The following MEP1A variants were observed in gnomAD, a reference collection of about 807,000 sequenced individuals.
MEP1A encodes meprin A subunit alpha, also known as N-benzoyl-L-tyrosyl-P-amino-benzoic acid hydrolase subunit alpha.
A neutral mutation model predicts 84.5 loss-of-function variants in MEP1A; 68 were observed. The ratio of observed to expected loss-of-function variants is 0.80; its 90% CI spans 0.66 to 0.98. The LOEUF (loss-of-function observed/expected upper bound fraction) is 0.98, where lower values mean the gene tolerates loss of function less well. MEP1A is among the 50% of genes least tolerant of loss of function. The pLI is 0.00. For missense variants in MEP1A, 887 were observed against 919.9 expected (o/e 0.96, Z 0.46); for synonymous variants, 337 against 336.8 (o/e 1.00, Z -0.01).
In MEP1A at chr6:46,825,276, C is replaced by G; in HGVS notation, c.561C>G (p.Tyr187Ter). 2 of 1,608,452 alleles carry G rather than the reference C, an allele frequency of 1.2e-6. No individual in the cohort carries two copies. The highest frequency in any genetic ancestry group is 2.2e-5 in the South Asian group (2 of 90,544). The stretch of plus-strand genomic sequence containing the variant: ...TGTGGATTCTCTCCCTAACAGGTTA[C>G]CAGCACAACTTTGACACCTATGATG... ...NIWWDQILSG[Y>*]QHNFDTYDDS... Residue 187 changes from tyrosine (Y) to a stop codon, truncating the protein, a stop_gained, in exon 8 of 14, where the codon TAC becomes TAG. Transcript: ENST00000230588. LOFTEE classifies it high-confidence loss of function.
At chr6:46,824,640 A>C (rs1256580573) in intron 7 of MEP1A, among the ~76,000 whole-genome samples, 1 of 130,608 alleles carries the variant, frequency 7.7e-6, no homozygotes, top group African/African-American at 3.1e-5. Context: ...TATTTAAATA[A>C]ATGTATTTAA....
intron 6 of MEP1A, among the ~76,000 whole-genome samples, chr6:46,814,874 CAA>C (rs1767597318): frequency 1.3e-5 from 1 of 76,582 alleles, no homozygotes; most frequent in Admixed American, 1.6e-4. Context: ...CTGAGGAGTA[CAA>C]AGAGTCTGGT....
chr6:46,805,085 C>T (rs1019923525), intron 5 of MEP1A, among the ~76,000 whole-genome samples: 1 of 151,770 alleles, frequency 6.6e-6, no homozygotes, highest in African/African-American at 2.4e-5. Context: ...TCATTCTCTT[C>T]GATTGATGCT....
At chr6:46,803,196 T>A (rs1056626954) in intron 5 of MEP1A, among the ~76,000 whole-genome samples, 1 of 151,620 alleles carries the variant, frequency 6.6e-6, no homozygotes, top group African/African-American at 2.4e-5. Context: ...TGGAATTTTC[T>A]TTGTGGGATA....
chr6:46,812,403 T>C (rs977193062), intron 6 of MEP1A, among the ~76,000 whole-genome samples: 1 of 152,076 alleles, frequency 6.6e-6, no homozygotes, highest in Non-Finnish European at 1.5e-5. Flanking sequence ...TCAATTTTAT[T>C]TATTTTTTCA....
At chr6:46,817,158 C>T (rs1275644951) in intron 6 of MEP1A, among the ~76,000 whole-genome samples, 1 of 152,122 alleles carries the variant, frequency 6.6e-6, no homozygotes, top group Non-Finnish European at 1.5e-5. Context: ...GTGTATTTAT[C>T]AGAACCTAAC....
intron 10 of MEP1A, among the ~76,000 whole-genome samples, chr6:46,832,621 C>G (rs186815236): frequency 2.6e-4 from 39 of 152,292 alleles, no homozygotes; most frequent in African/African-American, 8.9e-4. Context: ...ATTATCTGCT[C>G]TTCAGCATTC....
Position 46,833,058 on chromosome 6 carries a change from T to A in MEP1A, c.1145-16T>A. 6.9e-7 allele frequency: 1 copy of A among 1,441,968 alleles called. No individual in the cohort carries two copies. 89.3% of individuals were successfully genotyped at this position (1,441,968 alleles called of 1,614,324 possible). A position where few individuals can be genotyped will look rare whatever the true frequency, so the allele number is the denominator to read the frequency against. On this transcript the variant is annotated splice_polypyrimidine_tract_variant and intron_variant, in intron 10 of 13. Coordinates refer to ENST00000230588, the MANE Select transcript of MEP1A (RefSeq NM_005588.3). ...TGTTGGTCACAGTTCTCACCAGCCTTGTTCTCTGTCCTCAGGAGATGATGA... is the reference window on the plus strand; with the variant it reads ...TGTTGGTCACAGTTCTCACCAGCCTAGTTCTCTGTCCTCAGGAGATGATGA...
intron 4 of MEP1A, 109 bp from the exon 5 acceptor site, chr6:46,798,997 G>C (rs765648688): frequency 6.9e-5 from 50 of 726,738 alleles, no homozygotes; most frequent in Non-Finnish European, 1.2e-4. Flanking sequence ...CCACTAAACT[G>C]TTTGAGTTGT....
Position 46,821,333 on chromosome 6 carries a change from A to G in MEP1A, c.556+1629A>G, listed in dbSNP as rs369722320. Among the ~76,000 whole-genome samples the G allele has an allele frequency of 1.8e-4, 27 of 152,278 alleles. No homozygotes were observed. In the South Asian group the frequency reaches 3.7e-3, roughly 21 times the overall value. On this transcript the variant is annotated intron_variant, in intron 7 of 13. Coordinates refer to ENST00000230588, the MANE Select transcript of MEP1A (RefSeq NM_005588.3). Reference sequence around the variant, plus strand: ...TACTCCGACCATCTTACCACCACCCACTGAACCAGAGGCCAGATAGCACTC... The same window carrying G: ...TACTCCGACCATCTTACCACCACCCGCTGAACCAGAGGCCAGATAGCACTC...
At position 46,798,987 on chromosome 6, in the gene MEP1A, C is replaced by T. The variant is rs1406538062; in HGVS notation, c.187-119C>T. On this transcript the variant is annotated intron_variant, in intron 4 of 13. Transcript: ENST00000230588. ...GCTTTCATAATCAAAAGACAAATTGCCACTAAACTGTTTGAGTTGTGTGAT... is the reference window on the plus strand; with the variant it reads ...GCTTTCATAATCAAAAGACAAATTGTCACTAAACTGTTTGAGTTGTGTGAT... 3 of 689,548 alleles carry T rather than the reference C, an allele frequency of 4.4e-6. No individual in the cohort carries two copies. In the Admixed American group the frequency reaches 7.5e-5, roughly 17 times the overall value. 42.7% of individuals were successfully genotyped at this position (689,548 alleles called of 1,614,324 possible).
chr6:46,802,826 T>A (rs571708708), intron 5 of MEP1A, among the ~76,000 whole-genome samples: 9 of 152,016 alleles, frequency 5.9e-5, no homozygotes, highest in African/African-American at 2.2e-4. Flanking sequence ...GGTAATAACA[T>A]CAAATTTGAA....
At chr6:46,829,293 G>C (rs1204386127) in intron 9 of MEP1A, 63 bp from the exon 10 acceptor site, 2 of 1,369,228 alleles carry the variant, frequency 1.5e-6, no homozygotes, top group Non-Finnish European at 2.1e-6. Flanking sequence ...CACTTTGTTT[G>C]GGTGGACAGA....
intron 3 of MEP1A, among the ~76,000 whole-genome samples, chr6:46,795,532 C>T (rs1450798383): frequency 6.6e-6 from 1 of 152,072 alleles, no homozygotes; most frequent in Non-Finnish European, 1.5e-5. Flanking sequence ...AACTCAAGAC[C>T]TTGTGATCCG....
intron 13 of MEP1A, among the ~76,000 whole-genome samples, chr6:46,837,594 T>C (rs1331616392): frequency 1.3e-5 from 2 of 152,182 alleles, no homozygotes; most frequent in Non-Finnish European, 2.9e-5. Flanking sequence ...CCATTATGTG[T>C]CCCCAACAGG....
intron 9 of MEP1A, among the ~76,000 whole-genome samples, chr6:46,829,126 G>A (rs541447898): frequency 5.2e-4 from 79 of 152,270 alleles, no homozygotes; most frequent in African/African-American, 1.8e-3. Context: ...CACAATCTTG[G>A]AACAAAGGCA....
At chr6:46,812,982 A>T (rs1767540986) in intron 6 of MEP1A, among the ~76,000 whole-genome samples, 1 of 151,994 alleles carries the variant, frequency 6.6e-6, no homozygotes, top group African/African-American at 2.4e-5. Flanking sequence ...TGTTAAGTCC[A>T]TTTGTTTTAG....
intron 3 of MEP1A, among the ~76,000 whole-genome samples, chr6:46,796,224 A>C (rs1447681522): frequency 6.6e-6 from 1 of 152,134 alleles, no homozygotes; most frequent in Non-Finnish European, 1.5e-5. Flanking sequence ...ACGGGTGTTG[A>C]CCAAGCCTTC....
At chr6:46,825,812 AAGG>A (rs1452741845) in intron 8 of MEP1A, among the ~76,000 whole-genome samples, 3 of 152,200 alleles carry the variant, frequency 2.0e-5, no homozygotes, top group Non-Finnish European at 4.4e-5. Flanking sequence ...GGACAAACGT[AAGG>A]AGATGTTATT....
Sources: gnomAD v4.1 joint callset for allele counts (sites outside exome capture counted in the v4.1 genomes callset) on GRCh38, gnomAD v4.1.1 for gene constraint, MANE v1.5 for transcripts, NCBI Gene and HGNC (gene_info 2026-07-23, HGNC 2026-07-21) for gene names.